Variants in OSBPL9 observed in about 807,000 individuals in gnomAD.
OSBPL9 encodes the protein oxysterol binding protein like 9, also known as oxysterol-binding protein-related protein 9.
OSBPL9 carries 40 observed loss-of-function variants against 106.6 expected under a neutral mutation model. That is an observed-to-expected ratio of 0.38 (90% CI 0.29 to 0.49). OSBPL9 has a LOEUF of 0.49. Ranked by LOEUF, OSBPL9 falls within the 20% of genes least tolerant of loss-of-function variation. The probability of loss-of-function intolerance (pLI) is 0.97; values close to 1 mark genes in which losing one functional copy is unlikely to be tolerated. For missense variants in OSBPL9, 609 were observed against 887.2 expected (o/e 0.69, Z 3.98); for synonymous variants, 269 against 295.4 (o/e 0.91, Z 0.92).
chr1:51,712,246 A>C (rs1660189897), intron 3 of OSBPL9, among the ~76,000 whole-genome samples: 1 of 152,210 alleles, frequency 6.6e-6, no homozygotes, highest in South Asian at 2.1e-4. Context: ...CCCCGTCTCC[A>C]CCAAAACCAG....
intron 1 of OSBPL9, among the ~76,000 whole-genome samples, chr1:51,638,779 C>T (rs1645604807): frequency 6.6e-6 from 1 of 151,738 alleles, no homozygotes; most frequent in Non-Finnish European, 1.5e-5. Context: ...CACTGCACTC[C>T]AGCCTAGGTG....
At chr1:51,768,214 T>A (rs1246302747) in intron 12 of OSBPL9, among the ~76,000 whole-genome samples, 1 of 144,090 alleles carries the variant, frequency 6.9e-6, no homozygotes, top group East Asian at 2.1e-4. Context: ...GTGCTGGGAT[T>A]ACAGGCATGA....
At position 51,788,592 on chromosome 1, in the gene OSBPL9, T is replaced by TGTC. The variant is rs1199381938; in HGVS notation, c.*804_*806dup. On this transcript the variant is annotated 3_prime_UTR_variant, in exon 24 of 24. Coordinates refer to ENST00000428468, the MANE Select transcript of OSBPL9 (RefSeq NM_024586.6). The stretch of plus-strand genomic sequence containing the variant: ...TAATGGAGGATCCATTCTTTTCCTC[T>TGTC]GTCAGATTGTATGTTCTGTCTTTAG... 1 of 152,360 alleles carries TGTC rather than the reference T, an allele frequency of 6.6e-6. No homozygotes were observed. The highest frequency in any genetic ancestry group is 2.4e-5 in the African/African-American group (1 of 41,464). 9.4% of individuals were successfully genotyped at this position (152,360 alleles called of 1,614,324 possible).
At chr1:51,573,226 A>G (rs1198118774), upstream of OSBPL9, among the ~76,000 whole-genome samples, 1 of 146,844 alleles carries the variant, frequency 6.8e-6, no homozygotes, top group African/African-American at 2.6e-5. Context: ...AAAAAAAAAA[A>G]GGTCGGGTGC....
Position 51,745,588 on chromosome 1 carries a change from C to A in OSBPL9, c.371C>A (p.Thr124Lys). 1 of 1,607,140 alleles carries A rather than the reference C, an allele frequency of 6.2e-7. No homozygotes were observed. Among genetic ancestry groups the A allele is most frequent in the Non-Finnish European group, 8.5e-7 (1 of 1,177,918 alleles). The part of the protein sequence containing the change: ...PSVQDFDKKL[T>K]EADAYLQILI... ...GTCCAAGATTTTGATAAGAAACTTA[C>A]AGAAGCTGATGCTTACCTACAAATC... The change falls in exon 5 of 24, where the codon ACA becomes AAA. Residue 124 changes from threonine (T) to lysine (K), a missense_variant. This residue lies in a region of OSBPL9 where 72 missense variants were observed against 140.5 expected (regional missense o/e 0.51). Transcript: ENST00000428468.
intron 3 of OSBPL9, among the ~76,000 whole-genome samples, chr1:51,695,730 C>G (rs1283419164): frequency 3.9e-5 from 6 of 152,132 alleles, no homozygotes; most frequent in Non-Finnish European, 8.8e-5. Context: ...CTAAACTTTT[C>G]TGTTTCCTTA....
At chr1:51,742,725 G>A (rs1667191962) in intron 4 of OSBPL9, among the ~76,000 whole-genome samples, 1 of 152,114 alleles carries the variant, frequency 6.6e-6, no homozygotes, top group South Asian at 2.1e-4. Context: ...GACAGAGCAA[G>A]ACCCTGTCTC....
At chr1:51,787,230 G>A (rs538571088) in intron 22 of OSBPL9, 123 bp from the exon 23 acceptor site, 39 of 915,898 alleles carry the variant, frequency 4.3e-5, no homozygotes, top group Admixed American at 2.6e-4. Context: ...TGGTGCCAGC[G>A]TAAGGAGATT....
the OSBPL9 span, among the ~76,000 whole-genome samples, chr1:51,558,047 A>G: frequency 2.1e-4 from 32 of 152,262 alleles, no homozygotes; most frequent in East Asian, 1.2e-3. Context: ...TTGGGAGGCC[A>G]AGGCGGGCAG....
At position 51,750,186 on chromosome 1, in the gene OSBPL9, G is replaced by A; in HGVS notation, c.534G>A (p.Gln178=). 6.2e-7 allele frequency: 1 copy of A among 1,605,368 alleles called. No individual in the cohort carries two copies. Residue 178 remains glutamine, a synonymous_variant, in exon 8 of 24, where the codon CAG becomes CAA. Coordinates refer to ENST00000428468, the MANE Select transcript of OSBPL9 (RefSeq NM_024586.6). ...TTAAACACTGCATTGTGTTGCTGCAGATTGCCAAAGTAAGTAAATTTTACT... is the reference window on the plus strand; with the variant it reads ...TTAAACACTGCATTGTGTTGCTGCAAATTGCCAAAGTAAGTAAATTTTACT... ...ESIKHCIVLL[Q]IAKDQSNAEK... is the part of the protein sequence containing the mutation.
At chr1:51,612,124 AT>A (rs1643992247), upstream of OSBPL9, among the ~76,000 whole-genome samples, 1 of 152,192 alleles carries the variant, frequency 6.6e-6, no homozygotes, top group African/African-American at 2.4e-5. Context: ...TTAAAATCTT[AT>A]CTCCAAAATG....
At position 51,729,317 on chromosome 1, in the gene OSBPL9, C is replaced by A. The variant is rs1332231449; in HGVS notation, c.318+15238C>A. ...CAAAATCCGTTATCAAGGTGAAACTCCGGGGACCAGGCTCCACAGCTGCCA... is the reference window on the plus strand; with the variant it reads ...CAAAATCCGTTATCAAGGTGAAACTACGGGGACCAGGCTCCACAGCTGCCA... On this transcript the variant is annotated intron_variant, in intron 4 of 23. Transcript: ENST00000428468. This position sits in a 1 kb window ranked among gnomAD's most constrained non-coding sequence, Gnocchi z 5.1. 1 of 152,504 alleles carries A rather than the reference C, an allele frequency of 6.6e-6. No individual in the cohort carries two copies. Among genetic ancestry groups the A allele is most frequent in the East Asian group, 1.9e-4 (1 of 5,198 alleles). The allele number at this position is 152,504 out of a possible 1,614,324, so 9.4% of individuals were successfully genotyped here.
chr1:51,548,245 T>C, the OSBPL9 span, among the ~76,000 whole-genome samples: 1 of 152,048 alleles, frequency 6.6e-6, no homozygotes, highest in Non-Finnish European at 1.5e-5. Flanking sequence ...CAATTTCTTT[T>C]TGTTTGGTTT....
chr1:51,618,994 A>C (rs1644260118), intron 1 of OSBPL9, among the ~76,000 whole-genome samples: 2 of 152,186 alleles, frequency 1.3e-5, no homozygotes, highest in African/African-American at 4.8e-5. Flanking sequence ...TTCTCTACAT[A>C]GTTTTTAAAG....
chr1:51,576,680 T>C (rs1645185924), upstream of OSBPL9, among the ~76,000 whole-genome samples: 1 of 151,856 alleles, frequency 6.6e-6, no homozygotes, highest in South Asian at 2.1e-4. Context: ...AGCATGCCAC[T>C]ACACCTGGCT....
At chr1:51,590,741 A>G (rs891451107) in intron 1 of OSBPL9, among the ~76,000 whole-genome samples, 2 of 152,108 alleles carry the variant, frequency 1.3e-5, no homozygotes, top group Non-Finnish European at 2.9e-5. Context: ...TAAAAGAATC[A>G]AAGATGATTC....
the OSBPL9 span, among the ~76,000 whole-genome samples, chr1:51,525,798 G>A: frequency 1.5e-4 from 23 of 152,190 alleles, 1 homozygote; most frequent in Admixed American, 1.1e-3. Context: ...TCACCCAGCT[G>A]CAGTGCAGTG....
chr1:51,693,269 G>A (rs559813084), intron 3 of OSBPL9, among the ~76,000 whole-genome samples: 12 of 151,994 alleles, frequency 7.9e-5, no homozygotes, highest in African/African-American at 2.9e-4. Context: ...CCACTTAGGA[G>A]GCTGAAGCAG....
chr1:51,665,916 G>A (rs1648364085), intron 2 of OSBPL9, among the ~76,000 whole-genome samples: 2 of 152,160 alleles, frequency 1.3e-5, no homozygotes, highest in South Asian at 4.2e-4. Flanking sequence ...GTGCAGTGGT[G>A]CGATCTTGGC....
Sources: allele counts gnomAD v4.1 joint callset (sites outside exome capture counted in the v4.1 genomes callset), GRCh38; gene constraint gnomAD v4.1.1; regional missense constraint gnomAD v4.1.1; non-coding constraint Gnocchi (gnomAD v3.1); transcripts MANE v1.5; gene names NCBI Gene and HGNC (gene_info 2026-07-23, HGNC 2026-07-21).